The following SNTB1 variants were observed in gnomAD, a reference collection of about 807,000 sequenced individuals.
SNTB1 encodes syntrophin beta 1.
SNTB1 carries 36 observed loss-of-function variants against 48.9 expected under a neutral mutation model. The ratio of observed to expected loss-of-function variants is 0.74; its 90% CI spans 0.56 to 0.97. The LOEUF (loss-of-function observed/expected upper bound fraction) is 0.97, where lower values mean the gene tolerates loss of function less well. Ranked by LOEUF, SNTB1 falls within the 50% of genes least tolerant of loss-of-function variation. The pLI is 0.00. For synonymous variants in SNTB1, 299 were observed against 294.6 expected, an observed-to-expected ratio of 1.01 and a Z score of -0.15; for missense variants, 786 against 703.4, an observed-to-expected ratio of 1.12 and a Z score of -1.33.
At chr8:120,551,725 C>CAAAAAAA (rs764008790) in intron 4 of SNTB1, among the ~76,000 whole-genome samples, 12 of 42,826 alleles carry the variant, frequency 2.8e-4, no homozygotes, top group African/African-American at 5.7e-4. Flanking sequence ...GACTCCATCT[C>CAAAAAAA]AAAAAAAAAA....
intron 3 of SNTB1, among the ~76,000 whole-genome samples, chr8:120,611,207 C>T (rs547642871): frequency 1.3e-5 from 2 of 152,284 alleles, no homozygotes; most frequent in South Asian, 2.1e-4. Context: ...GGCTTATCCA[C>T]CCTTAAGCTT....
rs1165677353 is a variant in SNTB1, at chr8:120,563,311, G to A, written c.1136+11775C>T. ...ATACCTTTTTTTTTTTTAATGTTCA[G>A]CAATATCAAATAAACTTTGGCTAAG... On this transcript the variant is annotated intron_variant, in intron 4 of 6. Transcript: ENST00000517992. 6.7e-5 allele frequency among the ~76,000 whole-genome samples: 10 copies of A among 149,722 alleles called. No individual in the cohort carries two copies. In the South Asian group the frequency reaches 1.9e-3, roughly 28 times the overall value.
chr8:120,720,141 C>G (rs780580367), intron 1 of SNTB1, among the ~76,000 whole-genome samples: 1 of 152,168 alleles, frequency 6.6e-6, no homozygotes, highest in Non-Finnish European at 1.5e-5. Context: ...ACATAAATAA[C>G]CTATGTCATA....
intron 2 of SNTB1, among the ~76,000 whole-genome samples, chr8:120,662,437 T>G (rs1817603937): frequency 6.6e-6 from 1 of 152,242 alleles, no homozygotes; most frequent in Non-Finnish European, 1.5e-5. Context: ...TCGACTTCAT[T>G]AGTTCCTGTT....
intron 3 of SNTB1, among the ~76,000 whole-genome samples, chr8:120,581,636 A>G (rs1816052373): frequency 6.6e-6 from 1 of 152,180 alleles, no homozygotes; most frequent in Non-Finnish European, 1.5e-5. Context: ...TGAGTGATGT[A>G]TCATGTGGAT....
intron 2 of SNTB1, among the ~76,000 whole-genome samples, chr8:120,644,961 C>A (rs1029159446): frequency 6.6e-5 from 10 of 152,016 alleles, no homozygotes; most frequent in Admixed American, 6.6e-4. Flanking sequence ...TGAATGTCTT[C>A]TTTTGAGAAG....
rs537576778 is a variant in SNTB1, at chr8:120,554,674, T to C, written c.1137-5716A>G. Among the ~76,000 whole-genome samples, 4 of 152,320 alleles carry C rather than the reference T, an allele frequency of 2.6e-5. No individual in the cohort carries two copies. In the South Asian group the frequency reaches 6.2e-4, roughly 24 times the overall value. ...ACACATTTATTTCATTGTTTAATAT[T>C]AGAAGTGTTTCGAGTCTAACACCTA... is the stretch of plus-strand genomic sequence containing the variant. On this transcript the variant is annotated intron_variant, in intron 4 of 6. Transcript: ENST00000517992.
intron 2 of SNTB1, among the ~76,000 whole-genome samples, chr8:120,680,895 G>A (rs1333881688): frequency 1.3e-5 from 2 of 152,130 alleles, no homozygotes; most frequent in African/African-American, 4.8e-5. Context: ...GGTGCTGACA[G>A]GTACGGACAT....
intron 1 of SNTB1, among the ~76,000 whole-genome samples, chr8:120,800,569 T>C (rs1283792102): frequency 1.3e-5 from 2 of 152,032 alleles, no homozygotes; most frequent in Non-Finnish European, 2.9e-5. Context: ...TGGTCATGCA[T>C]CAGACCTAGA....
intron 1 of SNTB1, among the ~76,000 whole-genome samples, chr8:120,726,734 A>G (rs1370734134): frequency 6.6e-6 from 1 of 152,212 alleles, no homozygotes; most frequent in Non-Finnish European, 1.5e-5. Context: ...CAATGTAGGA[A>G]GTGCATGTAG....
intron 1 of SNTB1, among the ~76,000 whole-genome samples, chr8:120,763,905 C>T (rs1381946972): frequency 6.6e-6 from 1 of 151,960 alleles, no homozygotes; most frequent in African/African-American, 2.4e-5. Flanking sequence ...GATTCTCCTG[C>T]CTTGGCCTTC....
chr8:120,628,135 G>T (rs1370774061), intron 3 of SNTB1, among the ~76,000 whole-genome samples: 1 of 152,112 alleles, frequency 6.6e-6, no homozygotes, highest in East Asian at 1.9e-4. Context: ...TTGCTGTGTT[G>T]TGTTTTTGTG....
intron 1 of SNTB1, among the ~76,000 whole-genome samples, chr8:120,753,896 A>G (rs919100173): frequency 1.3e-5 from 2 of 152,214 alleles, no homozygotes; most frequent in African/African-American, 4.8e-5. Context: ...CTGAAATATC[A>G]AAAGATAGGA....
At chr8:120,697,218 G>A (rs550657362) in intron 1 of SNTB1, among the ~76,000 whole-genome samples, 3 of 152,304 alleles carry the variant, frequency 2.0e-5, no homozygotes, top group African/African-American at 7.2e-5. Context: ...ATGTGACACA[G>A]CACTAGGGGA....
chr8:120,577,831 C>G (rs941294062), intron 3 of SNTB1, among the ~76,000 whole-genome samples: 1 of 152,176 alleles, frequency 6.6e-6, no homozygotes, highest in Non-Finnish European at 1.5e-5. Flanking sequence ...TCCCAAAGCC[C>G]TAAAACATTT....
chr8:120,778,086 T>G (rs1819766796), intron 1 of SNTB1, among the ~76,000 whole-genome samples: 1 of 152,242 alleles, frequency 6.6e-6, no homozygotes, highest in African/African-American at 2.4e-5. Flanking sequence ...TGCACAAACA[T>G]GACCTAGTTG....
At chr8:120,584,756 T>C (rs1013616179) in intron 3 of SNTB1, among the ~76,000 whole-genome samples, 3 of 152,082 alleles carry the variant, frequency 2.0e-5, no homozygotes, top group Non-Finnish European at 2.9e-5. Flanking sequence ...TCAGTTAAGT[T>C]GGGATGAGGT....
Position 120,800,441 on chromosome 8 carries a change from T to C in SNTB1, c.571+10832A>G, listed in dbSNP as rs563071266. 1.3e-3 allele frequency among the ~76,000 whole-genome samples: 205 copies of C among 152,170 alleles called. 4 individuals carry two copies. The highest frequency in any genetic ancestry group is 4.8e-3 in the African/African-American group (201 of 41,520). ...CAGATATTTACCTACCAAGCGTCTT[T>C]CTCAGGAAGCTACTGAAAAATGTGC... On this transcript the variant is annotated intron_variant, in intron 1 of 6. Coordinates refer to ENST00000517992, the MANE Select transcript of SNTB1 (RefSeq NM_021021.4).
intron 1 of SNTB1, among the ~76,000 whole-genome samples, chr8:120,707,493 C>T (rs1195598747): frequency 6.6e-6 from 1 of 152,136 alleles, no homozygotes; most frequent in Admixed American, 6.5e-5. Context: ...AAGAATAAAA[C>T]CTCACAAGAT....
Sources: allele counts gnomAD v4.1 joint callset (sites outside exome capture counted in the v4.1 genomes callset), GRCh38; gene constraint gnomAD v4.1.1; transcripts MANE v1.5; gene names NCBI Gene and HGNC (gene_info 2026-07-23, HGNC 2026-07-21).